The following IL17D variants were observed in gnomAD, a reference collection of about 807,000 sequenced individuals.
The protein encoded by IL17D is interleukin 17D, also known as interleukin-17D.
Under a neutral mutation model 5.7 loss-of-function variants are expected in IL17D, and 10 were observed. That is an observed-to-expected ratio of 1.75 (90% CI 1.08 to 2.97). The LOEUF (loss-of-function observed/expected upper bound fraction) is 2.97. Among genes scored for constraint, IL17D ranks in the 30% most tolerant of loss-of-function variants. The probability of loss-of-function intolerance (pLI) is 0.00; values close to 1 mark genes in which losing one functional copy is unlikely to be tolerated. For synonymous variants in IL17D, 172 were observed against 141.7 expected, an observed-to-expected ratio of 1.21 and a Z score of -1.52; for missense variants, 354 against 292.7, an observed-to-expected ratio of 1.21 and a Z score of -1.53.
rs1371947266 is a variant in IL17D at position 20,722,316 on chromosome 13, G to GAGAT, written c.*365_*368dup. 5 of 271,438 alleles carry GAGAT rather than the reference G, an allele frequency of 1.8e-5. No homozygotes were observed. Among genetic ancestry groups the GAGAT allele is most frequent in the Middle Eastern group, 1.1e-3 (1 of 906 alleles). The allele number at this position is 271,438 out of a possible 1,614,324, so 16.8% of individuals were successfully genotyped here. On this transcript the variant is annotated 3_prime_UTR_variant, in exon 2 of 2. Coordinates refer to ENST00000682841, the MANE Select transcript of IL17D (RefSeq NM_001385224.1). ...GACTCACCGCTGGGTGCTTGCCAAA[G>GAGAT]AGATAGGGACGCATATGCTTTTTAA...
At chr13:20,721,452 G>A (rs2058733433) in intron 1 of IL17D, among the ~76,000 whole-genome samples, 184 bp from the exon 2 acceptor site, 1 of 152,234 alleles carries the variant, frequency 6.6e-6, no homozygotes, top group Non-Finnish European at 1.5e-5. Context: ...TAGATGTGCC[G>A]TCATTTCAAA....
chr13:20,706,224 A>G (rs2290143), intron 1 of IL17D, among the ~76,000 whole-genome samples: 98,397 of 152,092 alleles, frequency 0.65, 33,214 homozygotes, highest in Non-Finnish European at 0.75. Context: ...TCATTCTGGT[A>G]TCTTGGTGCT....
intron 1 of IL17D, among the ~76,000 whole-genome samples, chr13:20,718,150 T>G (rs1164270211): frequency 6.6e-6 from 1 of 152,042 alleles, no homozygotes; most frequent in Non-Finnish European, 1.5e-5. Flanking sequence ...TCCTCGGTAC[T>G]GTTCTGACAG....
intron 1 of IL17D, among the ~76,000 whole-genome samples, chr13:20,720,596 C>G (rs2282047): frequency 0.43 from 65,553 of 152,070 alleles, 14,866 homozygotes; most frequent in Middle Eastern, 0.58. Flanking sequence ...CCCACCTCTG[C>G]GGCTCCACTG....
rs373674749 is a variant in IL17D at position 20,721,651 on chromosome 13, G to T, written c.306G>T (p.Pro102=). 1 of 1,600,520 alleles carries T rather than the reference G, an allele frequency of 6.2e-7. No homozygotes were observed. Among genetic ancestry groups the T allele is most frequent in the Non-Finnish European group, 8.5e-7 (1 of 1,171,586 alleles). Residue 102 remains proline (P), a synonymous_variant, in exon 2 of 2, where the codon CCG becomes CCT. Transcript: ENST00000682841. ...SPWAYRISYD[P]ARYPRYLPEA... ...CTCCCTGCAGAATCTCCTACGACCC[G>T]GCGAGGTACCCCAGGTACCTGCCTG...
intron 1 of IL17D, among the ~76,000 whole-genome samples, chr13:20,718,071 C>T (rs1157361666): frequency 6.6e-6 from 1 of 152,110 alleles, no homozygotes; most frequent in Non-Finnish European, 1.5e-5. Context: ...CTCACCCCAC[C>T]CGTGAAGAGA....
Position 20,722,271 on chromosome 13 carries a change from C to T in IL17D, c.*317C>T, listed in dbSNP as rs929741728. 11 of 350,006 alleles carry T rather than the reference C, an allele frequency of 3.1e-5. No homozygotes were observed. The highest frequency in any genetic ancestry group is 7.3e-5 in the South Asian group (1 of 13,712). 21.7% of individuals were successfully genotyped at this position (350,006 alleles called of 1,614,324 possible). The stretch of plus-strand genomic sequence containing the variant: ...CTCCCTGAGGAGCCTCTCAGATCGG[C>T]TGCTGCGGGTGCAGGGCGTGACTCA... On this transcript the variant is annotated 3_prime_UTR_variant, in exon 2 of 2. Coordinates refer to ENST00000682841, the MANE Select transcript of IL17D (RefSeq NM_001385224.1).
rs1595000785 is a variant in IL17D at position 20,716,386 on chromosome 13, A to G, written c.291-5250A>G. ...AGAGAAATCTTTCTGGGATTTCGTTAGAATTGCACTGACTTTATAGATTAA... is the reference window on the plus strand; with the variant it reads ...AGAGAAATCTTTCTGGGATTTCGTTGGAATTGCACTGACTTTATAGATTAA... On this transcript the variant is annotated intron_variant, in intron 1 of 1. Transcript: ENST00000682841. This position sits in a 1 kb window ranked among gnomAD's most constrained non-coding sequence, Gnocchi z 4.2. 6.6e-6 allele frequency among the ~76,000 whole-genome samples: 1 copy of G among 152,310 alleles called. No individual in the cohort carries two copies. The highest frequency in any genetic ancestry group is 1.5e-5 in the Non-Finnish European group (1 of 68,020).
intron 1 of IL17D, among the ~76,000 whole-genome samples, chr13:20,708,388 T>G (rs1452181075): frequency 6.6e-6 from 1 of 152,168 alleles, no homozygotes; most frequent in African/African-American, 2.4e-5. Context: ...TAAATGGTGT[T>G]GGGACAGCCT....
At chr13:20,712,129 A>G (rs1177163251) in intron 1 of IL17D, among the ~76,000 whole-genome samples, 1 of 152,280 alleles carries the variant, frequency 6.6e-6, no homozygotes, top group Non-Finnish European at 1.5e-5. Flanking sequence ...GAATACAGCC[A>G]GGAACCACAG....
At chr13:20,705,879 G>A (rs900216736) in intron 1 of IL17D, among the ~76,000 whole-genome samples, 3 of 152,186 alleles carry the variant, frequency 2.0e-5, no homozygotes, top group Non-Finnish European at 4.4e-5. Context: ...TAGGATCAGC[G>A]TGAAAGATGC....
At chr13:20,706,202 A>G (rs1266707157) in intron 1 of IL17D, among the ~76,000 whole-genome samples, 1 of 152,180 alleles carries the variant, frequency 6.6e-6, no homozygotes, top group Non-Finnish European at 1.5e-5. Context: ...CAGGGCACAC[A>G]CATGGCGCCA....
intron 1 of IL17D, among the ~76,000 whole-genome samples, chr13:20,717,904 T>C (rs2058690210): frequency 6.6e-6 from 1 of 152,146 alleles, no homozygotes; most frequent in Non-Finnish European, 1.5e-5. Context: ...CTGTCAGTTA[T>C]CACCTACAAA....
Position 20,721,619 on chromosome 13 carries a change from G to A in IL17D, c.291-17G>A, listed in dbSNP as rs2058735548. 1 of 1,574,738 alleles carries A rather than the reference G, an allele frequency of 6.4e-7. No individual in the cohort carries two copies. ...GCTGCCCCCAGGCGTGACCTCACCC[G>A]TGCTCTCTCCCTGCAGAATCTCCTA... On this transcript the variant is annotated splice_polypyrimidine_tract_variant and intron_variant, in intron 1 of 1. Transcript: ENST00000682841.
upstream of IL17D, chr13:20,702,818 G>A (rs1422257611): frequency 6.6e-6 from 1 of 152,164 alleles, no homozygotes; most frequent in Admixed American, 6.5e-5. Context: ...TCATGTTGTT[G>A]AGGAGAAAGG....
chr13:20,715,756 T>C (rs1156942447), intron 1 of IL17D, among the ~76,000 whole-genome samples: 2 of 152,128 alleles, frequency 1.3e-5, no homozygotes, highest in African/African-American at 4.8e-5. Context: ...TTGTTTTTAT[T>C]TTTTTGAGAC....
At chr13:20,713,135 T>C (rs377248347) in intron 1 of IL17D, 13 of 152,138 alleles carry the variant, frequency 8.5e-5, no homozygotes, top group African/African-American at 2.7e-4. Context: ...ACAGGTGCAG[T>C]GTCCTTTCGC....
intron 1 of IL17D, among the ~76,000 whole-genome samples, chr13:20,715,766 CAG>C (rs1344759275): frequency 6.6e-6 from 1 of 151,782 alleles, no homozygotes; most frequent in Non-Finnish European, 1.5e-5. Flanking sequence ...TTTTTTGAGA[CAG>C]AGTTACACTC....
intron 1 of IL17D, among the ~76,000 whole-genome samples, chr13:20,707,615 G>A (rs1171121253): frequency 6.6e-6 from 1 of 152,036 alleles, no homozygotes; most frequent in Non-Finnish European, 1.5e-5. Context: ...TGACCTTCTA[G>A]GCTCAAGGGA....
Sources: gnomAD v4.1 joint callset for allele counts (sites outside exome capture counted in the v4.1 genomes callset) on GRCh38, gnomAD v4.1.1 for gene constraint, Gnocchi (gnomAD v3.1) non-coding constraint, MANE v1.5 for transcripts, NCBI Gene and HGNC (gene_info 2026-07-23, HGNC 2026-07-21) for gene names.